The following RNF17 variants were observed in gnomAD, a reference collection of about 807,000 sequenced individuals.
RNF17 encodes spermatogenesis associated 23.
In RNF17, 31 loss-of-function variants were observed where a neutral mutation model predicts 200.5. The ratio of observed to expected loss-of-function variants is 0.15; its 90% CI spans 0.12 to 0.21. The LOEUF (loss-of-function observed/expected upper bound fraction) is 0.21, where lower values mean the gene tolerates loss of function less well. Ranked by LOEUF, RNF17 falls within the 10% of genes least tolerant of loss-of-function variation. The pLI, the probability that RNF17 is intolerant of heterozygous loss-of-function variation, is 1.00. For synonymous variants in RNF17, 606 were observed against 637.8 expected (o/e 0.95, Z 0.75); for missense variants, 1,628 against 1,905.1 (o/e 0.85, Z 2.71).
chr13:24,875,426 AAATT>A (rs1407158621), intron 33 of RNF17, among the ~76,000 whole-genome samples: 3 of 152,210 alleles, frequency 2.0e-5, no homozygotes, highest in African/African-American at 7.2e-5. Context: ...GAGGAAAAAA[AAATT>A]AATCTTGTTC....
Position 24,846,657 on chromosome 13 carries a change from G to A in RNF17, c.3101+1578G>A, listed in dbSNP as rs373183091. Among the ~76,000 whole-genome samples, 102 of 151,966 alleles carry A rather than the reference G, an allele frequency of 6.7e-4. 1 individual carries two copies. In the East Asian group the frequency reaches 0.016, roughly 24 times the overall value. On this transcript the variant is annotated intron_variant, in intron 22 of 35. Transcript: ENST00000255324. ...CATTGGAAGAAGAATTATTGTCTTG[G>A]GCCACACATAAAATACACTGACAGT...
At chr13:24,751,469 C>T in the RNF17 span, 1 of 152,086 alleles carries the variant, frequency 6.6e-6, no homozygotes, top group Non-Finnish European at 1.5e-5. Context: ...TTCTTCACAA[C>T]AGACTCTTCC....
chr13:24,853,437 C>T (rs979812514), intron 24 of RNF17, among the ~76,000 whole-genome samples: 15 of 151,888 alleles, frequency 9.9e-5, no homozygotes, highest in African/African-American at 2.9e-4. Context: ...TTCATATATA[C>T]GGATAGTACC....
downstream of RNF17, among the ~76,000 whole-genome samples, chr13:24,882,113 TATATAGATACATCTATATAG>T (rs1953871177): frequency 1.2e-4 from 4 of 33,640 alleles, 2 homozygotes; most frequent in South Asian, 2.8e-3. Context: ...TCTATATAGA[TATATAGATACATCTATATAG>T]ATAGATACAT....
chr13:24,764,284 C>T lies in RNF17; in HGVS notation c.81C>T (p.Ala27=), dbSNP rs764753651. Reference sequence around the variant, plus strand: ...GGAGGAAGAGTCAGCCCTGGGGTGCCGCTGAAATCCAGTGCACCAGGTGTG... The same window carrying T: ...GGAGGAAGAGTCAGCCCTGGGGTGCTGCTGAAATCCAGTGCACCAGGTGTG... The part of the protein sequence containing the change: ...RMGRKSQPWG[A]AEIQCTRCGR... Residue 27 remains alanine, a synonymous_variant, in exon 1 of 36, where the codon GCC becomes GCT. Transcript: ENST00000255324. The T allele has an allele frequency of 1.9e-6, 3 of 1,611,162 alleles. No homozygotes were observed. The highest frequency in any genetic ancestry group is 1.3e-5 in the African/African-American group (1 of 74,898).
chr13:24,771,981 G>A (rs1459521827), intron 2 of RNF17, among the ~76,000 whole-genome samples: 2 of 152,126 alleles, frequency 1.3e-5, no homozygotes, highest in Non-Finnish European at 2.9e-5. Flanking sequence ...TCCAGCCTGG[G>A]CAACAAGAGC....
intron 16 of RNF17, among the ~76,000 whole-genome samples, chr13:24,827,166 G>A (rs765518044): frequency 5.9e-5 from 9 of 151,862 alleles, no homozygotes; most frequent in Non-Finnish European, 1.0e-4. Context: ...TCCTGACCTC[G>A]AGTGATCTGC....
At chr13:24,795,219 A>T (rs1159551754) in intron 10 of RNF17, among the ~76,000 whole-genome samples, 1 of 152,120 alleles carries the variant, frequency 6.6e-6, no homozygotes, top group Admixed American at 6.6e-5. Context: ...TTTTTAAACA[A>T]TTTTACCATG....
intron 11 of RNF17, among the ~76,000 whole-genome samples, chr13:24,796,898 T>A (rs1217500803): frequency 2.6e-5 from 4 of 152,212 alleles, no homozygotes; most frequent in African/African-American, 9.6e-5. Context: ...CTCATTATGT[T>A]AGTAGCAATC....
intron 22 of RNF17, among the ~76,000 whole-genome samples, chr13:24,848,553 T>C (rs1328768382): frequency 1.3e-5 from 2 of 152,054 alleles, no homozygotes; most frequent in Non-Finnish European, 2.9e-5. Flanking sequence ...TCCCAGCTAC[T>C]TGGGAGGCTG....
At chr13:24,771,146 TTTG>T (rs1405818229) in intron 2 of RNF17, among the ~76,000 whole-genome samples, 2 of 152,142 alleles carry the variant, frequency 1.3e-5, no homozygotes, top group African/African-American at 2.4e-5. Flanking sequence ...TAACTTGTTG[TTTG>T]TTGTTGTTTG....
intron 5 of RNF17, among the ~76,000 whole-genome samples, chr13:24,781,227 G>A (rs1337460258): frequency 6.6e-6 from 1 of 151,818 alleles, no homozygotes; most frequent in Admixed American, 6.6e-5. Context: ...TCCTATCAAA[G>A]AGAAATTCAG....
intron 6 of RNF17, among the ~76,000 whole-genome samples, chr13:24,787,375 T>G (rs1883247908): frequency 6.6e-6 from 1 of 152,162 alleles, no homozygotes; most frequent in Non-Finnish European, 1.5e-5. Context: ...TGGGTCATGT[T>G]TTTCTGTTCC....
chr13:24,885,575 G>T, the RNF17 span: 6 of 1,501,252 alleles, frequency 4.0e-6, no homozygotes, highest in Non-Finnish European at 5.6e-6. Flanking sequence ...AGTAATGTAT[G>T]TTTGAAGAAT....
At chr13:24,793,398 C>G in intron 10 of RNF17, 52 bp downstream of exon 10, 1 of 1,473,718 alleles carries the variant, frequency 6.8e-7, no homozygotes, top group Non-Finnish European at 9.1e-7. Context: ...TGTAATTAGA[C>G]ACAGTTGGTA....
chr13:24,755,438 G>A, the RNF17 span, among the ~76,000 whole-genome samples: 1 of 152,056 alleles, frequency 6.6e-6, no homozygotes, highest in Non-Finnish European at 1.5e-5. Flanking sequence ...CATATGAATT[G>A]TTCAATATTT....
At chr13:24,769,799 A>G (rs545850300) in intron 2 of RNF17, among the ~76,000 whole-genome samples, 7 of 152,318 alleles carry the variant, frequency 4.6e-5, no homozygotes, top group African/African-American at 1.7e-4. Flanking sequence ...CCTAAAATCC[A>G]TTCAAGATTA....
At chr13:24,833,903 A>G (rs574804171) in intron 18 of RNF17, among the ~76,000 whole-genome samples, 1 of 152,358 alleles carries the variant, frequency 6.6e-6, no homozygotes, top group South Asian at 2.1e-4. Context: ...TGATAAAGGT[A>G]CAGAACACAG....
downstream of RNF17, chr13:24,882,303 T>C (rs1455753462): frequency 2.6e-5 from 4 of 151,630 alleles, no homozygotes; most frequent in African/African-American, 9.7e-5. Context: ...TTATTTTTCA[T>C]ATTCAGTTAA....
Sources: gnomAD v4.1 joint callset for allele counts (sites outside exome capture counted in the v4.1 genomes callset) on GRCh38, gnomAD v4.1.1 for gene constraint, MANE v1.5 for transcripts, NCBI Gene and HGNC (gene_info 2026-07-23, HGNC 2026-07-21) for gene names.